The following SCAPER variants were observed in gnomAD, a reference collection of about 807,000 sequenced individuals.
SCAPER encodes the protein S phase cyclin A-associated protein in the endoplasmic reticulum.
Under a neutral mutation model 182.2 loss-of-function variants are expected in SCAPER, and 98 were observed. The ratio of observed to expected loss-of-function variants is 0.54; its 90% CI spans 0.46 to 0.64. The LOEUF is 0.64. Among genes scored for constraint, SCAPER ranks in the 30% least tolerant of loss-of-function variants. The pLI is 0.00. For synonymous variants in SCAPER, 605 were observed against 564.6 expected, an observed-to-expected ratio of 1.07 and a Z score of -1.01; for missense variants, 1,432 against 1,690.0, an observed-to-expected ratio of 0.85 and a Z score of 2.68.
rs1352400101 is a variant in SCAPER, at chr15:76,841,888, T to C, written c.239A>G (p.Asp80Gly). Residue 80 changes from aspartate (D) to glycine (G), a missense_variant, in exon 5 of 32, where the codon GAT becomes GGT. Coordinates refer to ENST00000563290, the MANE Select transcript of SCAPER (RefSeq NM_020843.4). ...AGTGGGACTTTTATCAAAGTGTTTA[T>C]CTCCAGTCGTAGACGATGTTATTTT... ...DCKITSSTTGDKHFDKSPTKT... is the reference protein window; with the variant it reads ...DCKITSSTTGGKHFDKSPTKT... 1.9e-6 allele frequency: 3 copies of C among 1,613,906 alleles called. No homozygotes were observed. The highest frequency in any genetic ancestry group is 2.2e-5 in the South Asian group (2 of 91,090).
In SCAPER at chr15:76,728,731, T is replaced by G; in HGVS notation, c.2029A>C (p.Lys677Gln). Residue 677 changes from lysine to glutamine, a missense_variant, in exon 17 of 32, where the codon AAG becomes CAG. Coordinates refer to ENST00000563290, the MANE Select transcript of SCAPER (RefSeq NM_020843.4). ...TGCCGCTCTGCCTCTAGAGCTCTCTTGCGTTCCTAATGTTAGAAATATTTG... is the reference window on the plus strand; with the variant it reads ...TGCCGCTCTGCCTCTAGAGCTCTCTGGCGTTCCTAATGTTAGAAATATTTG... ...QARDEAVQER[K>Q]RALEAERQAR... The G allele has an allele frequency of 6.2e-7, 1 of 1,609,200 alleles. No homozygotes were observed. Among genetic ancestry groups the G allele is most frequent in the Non-Finnish European group, 8.5e-7 (1 of 1,178,558 alleles).
intron 25 of SCAPER, among the ~76,000 whole-genome samples, chr15:76,448,810 G>C (rs1038846891): frequency 6.6e-6 from 1 of 152,298 alleles, no homozygotes; most frequent in East Asian, 1.9e-4. Flanking sequence ...ACCGAACTGA[G>C]TGGGTGAATA....
At chr15:76,404,817 A>G in intron 26 of SCAPER, 138 bp from the exon 27 acceptor site, 1 of 667,264 alleles carries the variant, frequency 1.5e-6, no homozygotes, top group Non-Finnish European at 2.2e-6. Context: ...AAAGCATCTC[A>G]AGTAACAATT....
intron 5 of SCAPER, among the ~76,000 whole-genome samples, chr15:76,818,983 T>C (rs1363769401): frequency 6.6e-6 from 1 of 152,158 alleles, no homozygotes; most frequent in African/African-American, 2.4e-5. Context: ...GGAGCCTCCC[T>C]CATTGCTAGC....
At chr15:76,648,265 T>C (rs1006418851) in intron 21 of SCAPER, among the ~76,000 whole-genome samples, 1 of 147,992 alleles carries the variant, frequency 6.8e-6, no homozygotes. Flanking sequence ...ATGAAAAATA[T>C]AACACATGAA....
chr15:76,615,511 ACAC>A (rs2051388818), intron 22 of SCAPER, among the ~76,000 whole-genome samples: 1 of 151,214 alleles, frequency 6.6e-6, no homozygotes, highest in Non-Finnish European at 1.5e-5. Flanking sequence ...ACACACACAC[ACAC>A]ACACACACAC....
At chr15:76,376,339 C>T (rs1445508517) in intron 28 of SCAPER, 28 bp from the exon 29 acceptor site, 1 of 1,590,076 alleles carries the variant, frequency 6.3e-7, no homozygotes, top group Admixed American at 1.8e-5. Context: ...CAGTTAGAAG[C>T]CCTCAGCCCA....
chr15:76,725,412 T>C (rs1366541074), intron 17 of SCAPER, among the ~76,000 whole-genome samples: 5 of 125,112 alleles, frequency 4.0e-5, no homozygotes, highest in Non-Finnish European at 5.7e-5. Flanking sequence ...TCTTAGTGTA[T>C]ACATTAAAAA....
chr15:76,539,326 C>CAA (rs1279446221), intron 23 of SCAPER, among the ~76,000 whole-genome samples: 1 of 152,024 alleles, frequency 6.6e-6, no homozygotes, highest in African/African-American at 2.4e-5. Context: ...ATAGAACTCC[C>CAA]AAGAAGAGAA....
intron 1 of SCAPER, among the ~76,000 whole-genome samples, chr15:76,890,566 A>C (rs1176152638): frequency 6.6e-6 from 1 of 152,236 alleles, no homozygotes; most frequent in Non-Finnish European, 1.5e-5. Flanking sequence ...TAGAAAAACT[A>C]GAAGAAATGG....
chr15:76,737,945 C>A (rs950583318), intron 15 of SCAPER, among the ~76,000 whole-genome samples: 2 of 152,144 alleles, frequency 1.3e-5, no homozygotes, highest in Non-Finnish European at 2.9e-5. Context: ...TTTGGCTTAA[C>A]GGAATGTTGT....
intron 23 of SCAPER, among the ~76,000 whole-genome samples, chr15:76,512,118 C>T (rs772812743): frequency 3.3e-5 from 5 of 151,794 alleles, no homozygotes; most frequent in Non-Finnish European, 7.4e-5. Context: ...GAACTCCTGA[C>T]CTCAGGTGAT....
chr15:76,758,989 C>T (rs948948115), intron 14 of SCAPER, among the ~76,000 whole-genome samples: 7 of 152,042 alleles, frequency 4.6e-5, no homozygotes, highest in African/African-American at 1.7e-4. Context: ...TTTGTGGAAT[C>T]TTTAAGGTTT....
chr15:76,358,356 A>G (rs1351504901), intron 29 of SCAPER, among the ~76,000 whole-genome samples: 1 of 152,228 alleles, frequency 6.6e-6, no homozygotes, highest in Admixed American at 6.5e-5. Flanking sequence ...TTTTCAGTGG[A>G]GGGAAGAAGT....
At chr15:76,625,566 CAGA>C (rs1380688970) in intron 21 of SCAPER, among the ~76,000 whole-genome samples, 2 of 152,054 alleles carry the variant, frequency 1.3e-5, no homozygotes, top group Admixed American at 1.3e-4. Context: ...TATGGAAATG[CAGA>C]AGCTGTTGGA....
At chr15:76,782,779 C>T (rs760183574) in intron 8 of SCAPER, among the ~76,000 whole-genome samples, 1 of 152,164 alleles carries the variant, frequency 6.6e-6, no homozygotes, top group Non-Finnish European at 1.5e-5. Context: ...TCCTGAATGA[C>T]TACTGGGTAA....
chr15:76,853,324 T>C (rs965360660), intron 4 of SCAPER, among the ~76,000 whole-genome samples: 1 of 152,078 alleles, frequency 6.6e-6, no homozygotes, highest in Non-Finnish European at 1.5e-5. Context: ...CCCAACTCAT[T>C]CTACGAAGCC....
At chr15:76,747,704 C>A (rs2061868884) in intron 15 of SCAPER, among the ~76,000 whole-genome samples, 1 of 151,978 alleles carries the variant, frequency 6.6e-6, no homozygotes, top group South Asian at 2.1e-4. Flanking sequence ...TGTGGTACCT[C>A]CCTCCTCTCT....
intron 23 of SCAPER, among the ~76,000 whole-genome samples, chr15:76,559,878 CCTAAAA>C (rs1375387528): frequency 9.9e-5 from 15 of 151,952 alleles, no homozygotes; most frequent in African/African-American, 3.4e-4. Flanking sequence ...CATATATGCC[CCTAAAA>C]CTAAAAGTTA....
Sources: allele counts gnomAD v4.1 joint callset (sites outside exome capture counted in the v4.1 genomes callset), GRCh38; gene constraint gnomAD v4.1.1; transcripts MANE v1.5; gene names NCBI Gene and HGNC (gene_info 2026-07-23, HGNC 2026-07-21).